RGS7BP: variants seen among roughly 807,000 people sequenced by gnomAD.
RGS7BP encodes the protein regulator of G protein signaling 7 binding protein.
A neutral mutation model predicts 31.3 loss-of-function variants in RGS7BP; 9 were observed. That is an observed-to-expected ratio of 0.29 (90% CI 0.17 to 0.50). The LOEUF is 0.50. RGS7BP is among the 20% of genes least tolerant of loss of function. The probability of loss-of-function intolerance (pLI) is 0.98; values close to 1 mark genes in which losing one functional copy is unlikely to be tolerated. For missense variants in RGS7BP, 274 were observed against 322.0 expected, an observed-to-expected ratio of 0.85 and a Z score of 1.14; for synonymous variants, 115 against 120.1, an observed-to-expected ratio of 0.96 and a Z score of 0.28.
At chr5:64,522,020 G>A (rs1561321363) in intron 2 of RGS7BP, among the ~76,000 whole-genome samples, 1 of 152,170 alleles carries the variant, frequency 6.6e-6, no homozygotes, top group Non-Finnish European at 1.5e-5. Flanking sequence ...TTTTGGTGTT[G>A]TGATAATCCT....
At chr5:64,560,318 CT>C (rs1561334821) in intron 2 of RGS7BP, among the ~76,000 whole-genome samples, 1 of 152,200 alleles carries the variant, frequency 6.6e-6, no homozygotes, top group East Asian at 1.9e-4. Flanking sequence ...CCCTGACCCA[CT>C]GAATTGGAAA....
chr5:64,573,450 G>A (rs1208930233), intron 2 of RGS7BP: 1 of 152,082 alleles, frequency 6.6e-6, no homozygotes, highest in Non-Finnish European at 1.5e-5. Context: ...CCGAAAATAA[G>A]AATGTTCCAT....
At chr5:64,549,644 T>C (rs1741741241) in intron 2 of RGS7BP, among the ~76,000 whole-genome samples, 1 of 152,258 alleles carries the variant, frequency 6.6e-6, no homozygotes, top group Admixed American at 6.5e-5. Context: ...CATTTTGTCC[T>C]GTCTCCATCC....
At chr5:64,601,583 C>T (rs566134767) in intron 5 of RGS7BP, 1 of 237,642 alleles carries the variant, frequency 4.2e-6, no homozygotes, top group East Asian at 1.8e-4. Context: ...AAGCAAGCCA[C>T]CCTTGCACTG....
intron 2 of RGS7BP, among the ~76,000 whole-genome samples, chr5:64,520,094 C>A (rs561629801): frequency 6.6e-6 from 1 of 152,282 alleles, no homozygotes; most frequent in African/African-American, 2.4e-5. Flanking sequence ...TTTTTAAAAT[C>A]TCCATTTTAT....
At chr5:64,559,287 T>C (rs1157604462) in intron 2 of RGS7BP, among the ~76,000 whole-genome samples, 1 of 152,142 alleles carries the variant, frequency 6.6e-6, no homozygotes, top group South Asian at 2.1e-4. Flanking sequence ...CCGACACTTA[T>C]GGAAAATAGA....
In RGS7BP at chr5:64,508,193, G is replaced by A. The variant is rs192562385; in HGVS notation, c.332+316G>A. Among the ~76,000 whole-genome samples, 55 of 152,264 alleles carry A rather than the reference G, an allele frequency of 3.6e-4. No homozygotes were observed. In the East Asian group the frequency reaches 7.7e-3, roughly 21 times the overall value. On this transcript the variant is annotated intron_variant, in intron 2 of 5. Coordinates refer to ENST00000334025, the MANE Select transcript of RGS7BP (RefSeq NM_001029875.3). ...GTGGATGGCTGGACATCAAACTGAA[G>A]TTAAATCATCTTGCCTCAAAATTAT...
chr5:64,603,161 G>C (rs537503811), intron 5 of RGS7BP, among the ~76,000 whole-genome samples: 1 of 152,170 alleles, frequency 6.6e-6, no homozygotes, highest in Non-Finnish European at 1.5e-5. Flanking sequence ...TCATCCAGGT[G>C]AGAAATGCTT....
rs969164150 is a variant in RGS7BP, at chr5:64,609,521, C to T, written c.*269C>T. On this transcript the variant is annotated 3_prime_UTR_variant, in exon 6 of 6. Transcript: ENST00000334025. Reference sequence around the variant, plus strand: ...TGTGCATGTCTGCTCCAAACCACGCCATGACAGATGCAAGAATTATGATTT... The same window carrying T: ...TGTGCATGTCTGCTCCAAACCACGCTATGACAGATGCAAGAATTATGATTT... 1.2e-5 allele frequency: 5 copies of T among 417,472 alleles called. No individual in the cohort carries two copies. The highest frequency in any genetic ancestry group is 2.2e-5 in the Non-Finnish European group (5 of 229,382). 25.9% of individuals were successfully genotyped at this position (417,472 alleles called of 1,614,324 possible).
chr5:64,562,089 G>A (rs1168549440), intron 2 of RGS7BP, among the ~76,000 whole-genome samples: 2 of 152,166 alleles, frequency 1.3e-5, no homozygotes, highest in Non-Finnish European at 2.9e-5. Context: ...AAATCAATTT[G>A]TGTTAGAGGA....
intron 2 of RGS7BP, among the ~76,000 whole-genome samples, chr5:64,567,976 G>T (rs984622281): frequency 6.6e-6 from 1 of 151,956 alleles, no homozygotes; most frequent in African/African-American, 2.4e-5. Context: ...TGAAAATCTT[G>T]ATTTTAGATG....
intron 2 of RGS7BP, among the ~76,000 whole-genome samples, chr5:64,527,884 C>A (rs1749271812): frequency 1.3e-5 from 2 of 152,006 alleles, no homozygotes; most frequent in Non-Finnish European, 2.9e-5. Flanking sequence ...TCATTTTGTT[C>A]TTTTTACATG....
At chr5:64,584,610 C>T (rs1324490871) in intron 3 of RGS7BP, among the ~76,000 whole-genome samples, 3 of 152,170 alleles carry the variant, frequency 2.0e-5, no homozygotes, top group Non-Finnish European at 2.9e-5. Flanking sequence ...TCCAAGGGGG[C>T]TCTGTGCTTC....
At chr5:64,573,295 TA>T (rs1449546019) in intron 2 of RGS7BP, among the ~76,000 whole-genome samples, 2 of 152,116 alleles carry the variant, frequency 1.3e-5, no homozygotes, top group Non-Finnish European at 2.9e-5. Flanking sequence ...TCTCTTTTTC[TA>T]GCTGTAAAAT....
chr5:64,583,248 G>T (rs1172686680), intron 3 of RGS7BP, among the ~76,000 whole-genome samples: 2 of 152,118 alleles, frequency 1.3e-5, no homozygotes, highest in Non-Finnish European at 2.9e-5. Flanking sequence ...AATTAGCCAG[G>T]TGTGGTGGTG....
At chr5:64,559,309 G>A (rs1277934044) in intron 2 of RGS7BP, among the ~76,000 whole-genome samples, 1 of 152,074 alleles carries the variant, frequency 6.6e-6, no homozygotes, top group East Asian at 1.9e-4. Context: ...AAGAACCTAT[G>A]TTGAAATATT....
chr5:64,581,836 AT>A (rs1742605167), intron 3 of RGS7BP, among the ~76,000 whole-genome samples: 1 of 152,210 alleles, frequency 6.6e-6, no homozygotes, highest in African/African-American at 2.4e-5. Flanking sequence ...ACTTTGCAAG[AT>A]GATCCTATTG....
chr5:64,580,600 T>C (rs1361921888), intron 3 of RGS7BP, among the ~76,000 whole-genome samples: 4 of 150,876 alleles, frequency 2.7e-5, no homozygotes, highest in Non-Finnish European at 5.9e-5. Flanking sequence ...AAAATATAAA[T>C]ATAAATATAT....
intron 2 of RGS7BP, among the ~76,000 whole-genome samples, chr5:64,548,209 TA>T (rs1333644292): frequency 5.3e-5 from 8 of 152,266 alleles, no homozygotes; most frequent in African/African-American, 1.9e-4. Flanking sequence ...TTCTCACAAG[TA>T]TCATGGTAAA....
Sources: gnomAD v4.1 joint callset for allele counts (sites outside exome capture counted in the v4.1 genomes callset) on GRCh38, gnomAD v4.1.1 for gene constraint, MANE v1.5 for transcripts, NCBI Gene and HGNC (gene_info 2026-07-23, HGNC 2026-07-21) for gene names.